RHEB: variants seen among roughly 807,000 people sequenced by gnomAD.
RHEB encodes GTP-binding protein Rheb.
RHEB carries 2 observed loss-of-function variants against 28.8 expected under a neutral mutation model. The observed-to-expected ratio is 0.07, with a 90% CI of 0.03 to 0.22. RHEB has a LOEUF of 0.22. Among genes scored for constraint, RHEB ranks in the 10% least tolerant of loss-of-function variants. The probability of loss-of-function intolerance (pLI) is 1.00; values close to 1 mark genes in which losing one functional copy is unlikely to be tolerated. For synonymous variants in RHEB, 69 were observed against 77.3 expected (o/e 0.89, Z 0.56); for missense variants, 76 against 219.9 (o/e 0.35, Z 4.14).
At chr7:151,504,913 CT>C (rs1182522756) in intron 1 of RHEB, among the ~76,000 whole-genome samples, 12 of 151,878 alleles carry the variant, frequency 7.9e-5, no homozygotes, top group African/African-American at 2.7e-4. Context: ...GTTATTTTTC[CT>C]TTCTTTTTAC....
intron 1 of RHEB, among the ~76,000 whole-genome samples, chr7:151,506,387 T>C (rs1802880411): frequency 6.6e-6 from 1 of 151,996 alleles, no homozygotes; most frequent in South Asian, 2.1e-4. Context: ...GAGATGGTGG[T>C]TATTAGCTAT....
At position 151,466,038 on chromosome 7, in the gene RHEB, T is replaced by C. The variant is rs1045315076; in HGVS notation, c.*1081A>G. The stretch of plus-strand genomic sequence containing the variant: ...GCAAAGCAAAACTATATTTTATTAA[T>C]AAAGTCAATGGTAACATTTGCTTAC... On this transcript the variant is annotated 3_prime_UTR_variant, in exon 8 of 8. Transcript: ENST00000262187. 3 of 152,240 alleles carry C rather than the reference T, an allele frequency of 2.0e-5. No individual in the cohort carries two copies. Among genetic ancestry groups the C allele is most frequent in the Admixed American group, 6.5e-5 (1 of 15,286 alleles). The allele number at this position is 152,240 out of a possible 1,614,324, so 9.4% of individuals were successfully genotyped here. A position where few individuals can be genotyped will look rare whatever the true frequency, so the allele number is the denominator to read the frequency against.
At chr7:151,487,398 G>C (rs955674885) in intron 2 of RHEB, among the ~76,000 whole-genome samples, 2 of 152,126 alleles carry the variant, frequency 1.3e-5, no homozygotes, top group African/African-American at 2.4e-5. Flanking sequence ...ATTGAAGAGA[G>C]GGGAAGATTA....
At chr7:151,498,128 T>C (rs1026063372) in intron 1 of RHEB, 45 of 1,289,622 alleles carry the variant, frequency 3.5e-5, no homozygotes, top group Admixed American at 4.6e-5. Flanking sequence ...CTGTGCGCCC[T>C]GCAGAACTAT....
At chr7:151,470,536 A>G (rs1447114127) in intron 7 of RHEB, 35 bp downstream of exon 7, 3 of 1,419,330 alleles carry the variant, frequency 2.1e-6, no homozygotes, top group African/African-American at 1.4e-5. Flanking sequence ...ACTGATGAGA[A>G]CGCAATGCAA....
In RHEB at chr7:151,486,877, T is replaced by G. The variant is rs534918279; in HGVS notation, c.125-2073A>C. On this transcript the variant is annotated intron_variant, in intron 2 of 7. Coordinates refer to ENST00000262187, the MANE Select transcript of RHEB (RefSeq NM_005614.4). ...TAAGAAAATGAAGAGTCAGGATGAC[T>G]CCAAAGCTTCTGTAAGTTGCCACTT... Among the ~76,000 whole-genome samples the G allele has an allele frequency of 9.9e-5, 15 of 152,272 alleles. 1 individual carries two copies. Among genetic ancestry groups the G allele is most frequent in the African/African-American group, 3.6e-4 (15 of 41,528 alleles).
At chr7:151,473,249 G>A (rs978512934) in intron 4 of RHEB, among the ~76,000 whole-genome samples, 1 of 152,248 alleles carries the variant, frequency 6.6e-6, no homozygotes, top group Non-Finnish European at 1.5e-5. Context: ...TGAAGCACCT[G>A]GCAAGGAGCA....
chr7:151,489,039 C>T (rs375271696), intron 2 of RHEB, among the ~76,000 whole-genome samples: 1 of 152,278 alleles, frequency 6.6e-6, no homozygotes, highest in East Asian at 1.9e-4. Context: ...CTCCTGGGTT[C>T]AAGTGATCCG....
intron 3 of RHEB, among the ~76,000 whole-genome samples, chr7:151,480,447 C>G (rs1802362605): frequency 6.8e-6 from 1 of 146,870 alleles, no homozygotes; most frequent in African/African-American, 2.5e-5. Context: ...ATTCATGTAT[C>G]AAGTATCCTA....
intron 1 of RHEB, among the ~76,000 whole-genome samples, chr7:151,492,122 G>A (rs1267396620): frequency 6.6e-6 from 1 of 152,194 alleles, no homozygotes; most frequent in Non-Finnish European, 1.5e-5. Context: ...CACACATGCT[G>A]TATATGCCTG....
At chr7:151,516,622 CAAAA>C (rs551863062) in intron 1 of RHEB, among the ~76,000 whole-genome samples, 5 of 91,962 alleles carry the variant, frequency 5.4e-5, no homozygotes, top group South Asian at 3.7e-4. Flanking sequence ...GACTCTGTCA[CAAAA>C]AAAAAAAAAA....
chr7:151,508,632 T>A (rs1485081727), intron 1 of RHEB, among the ~76,000 whole-genome samples: 1 of 136,496 alleles, frequency 7.3e-6, no homozygotes, highest in Non-Finnish European at 1.6e-5. Flanking sequence ...GTTATATTTT[T>A]AGTTTTTTTT....
Position 151,503,454 on chromosome 7 carries a change from T to C in RHEB, c.53-12440A>G. 3 of 1,188,322 alleles carry C rather than the reference T, an allele frequency of 2.5e-6. 1 individual carries two copies. The South Asian group carries it at 3.6e-5, about 14-fold the overall frequency. The allele number at this position is 1,188,322 out of a possible 1,614,324, so 73.6% of individuals were successfully genotyped here. ...GAGGAGACAATGAATTTTTTGACCT[T>C]GATGACTAGACATGAGTCTGGCAAA... On this transcript the variant is annotated intron_variant, in intron 1 of 7. Transcript: ENST00000262187.
chr7:151,502,088 T>G (rs1802782651), intron 1 of RHEB: 2 of 403,766 alleles, frequency 5.0e-6, no homozygotes, highest in Admixed American at 3.9e-5. Flanking sequence ...ATACAAAAAT[T>G]AGCTGGGTGT....
At chr7:151,499,056 G>A (rs1223963197) in intron 1 of RHEB, among the ~76,000 whole-genome samples, 2 of 152,146 alleles carry the variant, frequency 1.3e-5, no homozygotes, top group Admixed American at 1.3e-4. Flanking sequence ...ATTCTAATGG[G>A]GAGAAACACA....
At chr7:151,507,126 C>T (rs1006775348) in intron 1 of RHEB, among the ~76,000 whole-genome samples, 4 of 152,118 alleles carry the variant, frequency 2.6e-5, no homozygotes, top group Middle Eastern at 6.8e-3. Context: ...GGTTTGTAAA[C>T]GGCAGAAAAA....
At position 151,502,001 on chromosome 7, in the gene RHEB, C is replaced by T. The variant is rs902985316; in HGVS notation, c.53-10987G>A. 30 of 526,868 alleles carry T rather than the reference C, an allele frequency of 5.7e-5. 1 individual carries two copies. The highest frequency in any genetic ancestry group is 2.5e-4 in the African/African-American group (13 of 51,704). 32.6% of individuals were successfully genotyped at this position (526,868 alleles called of 1,614,324 possible). ...GCCTGTAATCCCAGCACTTTGAGGC[C>T]GAGGCGGGCAGATCACCTGAGGTCA... is the stretch of plus-strand genomic sequence containing the variant. On this transcript the variant is annotated intron_variant, in intron 1 of 7. Transcript: ENST00000262187.
At chr7:151,467,255 G>T in intron 7 of RHEB, 44 bp from the exon 8 acceptor site, 1 of 1,420,356 alleles carries the variant, frequency 7.0e-7, no homozygotes, top group Non-Finnish European at 1.0e-6. Flanking sequence ...GTGTGAAGCC[G>T]AACTCCGAGA....
chr7:151,519,527 AG>A lies in RHEB; in HGVS notation c.-17del, dbSNP rs779922914. 3 of 1,541,780 alleles carry A rather than the reference AG, an allele frequency of 1.9e-6. No individual in the cohort carries two copies. In the East Asian group the frequency reaches 7.8e-5, roughly 40 times the overall value. On this transcript the variant is annotated 5_prime_UTR_variant, in exon 1 of 8. An upstream open reading frame in the 5' UTR loses its in-frame stop. Coordinates refer to ENST00000262187, the MANE Select transcript of RHEB (RefSeq NM_005614.4). ...ACTGCGGCATCTTGGCGGCCTCCTCAGCCCCGGCCCAACCACATCAACCGCG... is the reference window on the plus strand; with the variant it reads ...ACTGCGGCATCTTGGCGGCCTCCTCACCCCGGCCCAACCACATCAACCGCG...
Sources: gnomAD v4.1 joint callset for allele counts (sites outside exome capture counted in the v4.1 genomes callset) on GRCh38, gnomAD v4.1.1 for gene constraint, MANE v1.5 for transcripts, NCBI Gene and HGNC (gene_info 2026-07-23, HGNC 2026-07-21) for gene names.